Variants in MCC observed in about 807,000 individuals in gnomAD.
The protein encoded by MCC is colorectal mutant cancer protein.
In MCC, 90 loss-of-function variants were observed where a neutral mutation model predicts 116.2. That is an observed-to-expected ratio of 0.77 (90% CI 0.65 to 0.92). The LOEUF (loss-of-function observed/expected upper bound fraction) is 0.92, where lower values mean the gene tolerates loss of function less well. Ranked by LOEUF, MCC falls within the 40% of genes least tolerant of loss-of-function variation. The pLI, the probability that MCC is intolerant of heterozygous loss-of-function variation, is 0.00. For synonymous variants in MCC, 578 were observed against 510.5 expected (o/e 1.13, Z -1.78); for missense variants, 1,516 against 1,312.2 (o/e 1.16, Z -2.40).
intron 13 of MCC, among the ~76,000 whole-genome samples, chr5:113,064,798 G>A (rs1437669210): frequency 6.6e-6 from 1 of 152,154 alleles, no homozygotes; most frequent in Non-Finnish European, 1.5e-5. Flanking sequence ...GGGTGTGGTG[G>A]GCACTCGCAC....
chr5:113,174,410 T>C (rs1761224522), intron 3 of MCC, among the ~76,000 whole-genome samples: 1 of 152,156 alleles, frequency 6.6e-6, no homozygotes, highest in South Asian at 2.1e-4. Context: ...AATGATTTAC[T>C]AGTTTTAAGA....
intron 1 of MCC, among the ~76,000 whole-genome samples, chr5:113,410,819 G>A (rs758693058): frequency 1.4e-4 from 21 of 152,048 alleles, no homozygotes; most frequent in Non-Finnish European, 1.9e-4. Flanking sequence ...ATGTGTTCTC[G>A]TTGTTCAATT....
intron 3 of MCC, among the ~76,000 whole-genome samples, chr5:113,263,702 G>C (rs142795253): frequency 6.6e-6 from 1 of 152,052 alleles, no homozygotes; most frequent in Non-Finnish European, 1.5e-5. Context: ...GAATCCACTC[G>C]GAAAAGTAAA....
At chr5:113,365,016 C>T (rs6594708) in intron 2 of MCC, among the ~76,000 whole-genome samples, 40,617 of 151,906 alleles carry the variant, frequency 0.27, 7,342 homozygotes, top group African/African-American at 0.51. Context: ...GGTCTTTTCC[C>T]TATTGTCTTG....
At chr5:113,273,118 T>C (rs1048521854) in intron 3 of MCC, among the ~76,000 whole-genome samples, 1 of 152,222 alleles carries the variant, frequency 6.6e-6, no homozygotes, top group African/African-American at 2.4e-5. Context: ...AAAGAATATC[T>C]TAATCTGTAT....
At chr5:113,223,127 C>T (rs1024228887) in intron 3 of MCC, among the ~76,000 whole-genome samples, 6 of 152,106 alleles carry the variant, frequency 3.9e-5, no homozygotes, top group African/African-American at 1.4e-4. Context: ...GCTGTCAGGG[C>T]GGCTTCCAGT....
intron 11 of MCC, among the ~76,000 whole-genome samples, chr5:113,080,369 C>T (rs1204338992): frequency 2.0e-5 from 3 of 152,166 alleles, no homozygotes; most frequent in East Asian, 1.9e-4. Context: ...TTTATTATGG[C>T]ACTATTCACA....
At chr5:113,169,976 A>G (rs1179376987) in intron 3 of MCC, among the ~76,000 whole-genome samples, 1 of 152,240 alleles carries the variant, frequency 6.6e-6, no homozygotes, top group African/African-American at 2.4e-5. Context: ...GCTTAAATAA[A>G]GTACTTCCTT....
rs1293177372 is a variant in MCC, at chr5:113,116,387, G to C, written c.1027+6297C>G. 2.6e-5 allele frequency among the ~76,000 whole-genome samples: 4 copies of C among 152,322 alleles called. 1 individual carries two copies. In the East Asian group the frequency reaches 7.7e-4, roughly 29 times the overall value. ...CAGATTACACAGGCTTTCCAAGGCT[G>C]GTTTCAGGAGCTAACACTCCTTTAT... is the stretch of plus-strand genomic sequence containing the variant. On this transcript the variant is annotated intron_variant, in intron 6 of 18. Coordinates refer to ENST00000408903, the MANE Select transcript of MCC (RefSeq NM_001085377.2).
chr5:113,475,370 T>C (rs1772210199), intron 1 of MCC, among the ~76,000 whole-genome samples: 1 of 152,254 alleles, frequency 6.6e-6, no homozygotes, highest in Non-Finnish European at 1.5e-5. Context: ...AGAAACTTGT[T>C]CAATTTACTT....
At chr5:113,160,852 T>G (rs1760443429) in intron 3 of MCC, among the ~76,000 whole-genome samples, 1 of 152,126 alleles carries the variant, frequency 6.6e-6, no homozygotes, top group Admixed American at 6.5e-5. Flanking sequence ...ATTCCTACAT[T>G]CTATGTGGGA....
intron 12 of MCC, among the ~76,000 whole-genome samples, chr5:113,069,156 G>C (rs1753844883): frequency 6.6e-6 from 1 of 152,276 alleles, no homozygotes; most frequent in East Asian, 1.9e-4. Flanking sequence ...TTACCATATT[G>C]GGCAGTGCAT....
At chr5:113,280,718 A>C (rs1766011307) in intron 3 of MCC, among the ~76,000 whole-genome samples, 1 of 152,200 alleles carries the variant, frequency 6.6e-6, no homozygotes, top group Non-Finnish European at 1.5e-5. Flanking sequence ...GAGGAGGAAG[A>C]ATACTGACTA....
At chr5:113,391,601 T>G (rs1769402221) in intron 1 of MCC, among the ~76,000 whole-genome samples, 1 of 152,006 alleles carries the variant, frequency 6.6e-6, no homozygotes, top group Non-Finnish European at 1.5e-5. Flanking sequence ...CACTGTAGTC[T>G]CAGCTACTTG....
At chr5:113,155,456 T>C (rs1307165346) in intron 3 of MCC, among the ~76,000 whole-genome samples, 1 of 152,296 alleles carries the variant, frequency 6.6e-6, no homozygotes, top group South Asian at 2.1e-4. Flanking sequence ...TTTAGGAACC[T>C]CCACACTGTT....
At chr5:113,083,072 C>T (rs1314097619) in intron 10 of MCC, 64 bp from the exon 11 acceptor site, 2 of 1,490,138 alleles carry the variant, frequency 1.3e-6, no homozygotes, top group African/African-American at 2.8e-5. Context: ...GTTTTGCATG[C>T]AAAAGAATTT....
intron 5 of MCC, among the ~76,000 whole-genome samples, chr5:113,134,580 T>C (rs1239636220): frequency 8.6e-6 from 1 of 116,626 alleles, no homozygotes; most frequent in Non-Finnish European, 1.8e-5. Flanking sequence ...TTTTTTTTTG[T>C]AGTTCTATAA....
intron 2 of MCC, among the ~76,000 whole-genome samples, chr5:113,365,911 G>T (rs1055458499): frequency 6.6e-6 from 1 of 152,124 alleles, no homozygotes; most frequent in Non-Finnish European, 1.5e-5. Context: ...GTTGGGGATG[G>T]TGCTAAATCA....
intron 1 of MCC, among the ~76,000 whole-genome samples, chr5:113,419,925 G>C (rs1009701453): frequency 3.3e-5 from 5 of 150,080 alleles, no homozygotes; most frequent in Non-Finnish European, 4.4e-5. Flanking sequence ...AATGCTAAAT[G>C]ACGAGTTAAT....
Sources: allele counts gnomAD v4.1 joint callset (sites outside exome capture counted in the v4.1 genomes callset), GRCh38; gene constraint gnomAD v4.1.1; transcripts MANE v1.5; gene names NCBI Gene and HGNC (gene_info 2026-07-23, HGNC 2026-07-21).